The following KLRF2 variants were observed in gnomAD, a reference collection of about 807,000 sequenced individuals.
KLRF2 encodes the protein killer cell lectin-like receptor subfamily F member 2.
In KLRF2, 28 loss-of-function variants were observed where a neutral mutation model predicts 25.3. The ratio of observed to expected loss-of-function variants is 1.11; its 90% CI spans 0.82 to 1.52. The LOEUF (loss-of-function observed/expected upper bound fraction) is 1.52, where lower values mean the gene tolerates loss of function less well. Among genes scored for constraint, KLRF2 ranks in the 40% most tolerant of loss-of-function variants. The pLI is 0.00. For synonymous variants in KLRF2, 73 were observed against 85.0 expected (o/e 0.86, Z 0.78); for missense variants, 265 against 245.8 (o/e 1.08, Z -0.52).
chr12:9,886,824 C>T (rs1014518764), intron 2 of KLRF2, among the ~76,000 whole-genome samples: 1 of 148,610 alleles, frequency 6.7e-6, no homozygotes, highest in Non-Finnish European at 1.5e-5. Flanking sequence ...ATAGATAGAG[C>T]CAGGTAGAGC....
At chr12:9,890,917 T>C (rs1307699455) in intron 3 of KLRF2, among the ~76,000 whole-genome samples, 1 of 152,212 alleles carries the variant, frequency 6.6e-6, no homozygotes, top group Non-Finnish European at 1.5e-5. Flanking sequence ...TAATATCCTC[T>C]AATAGTCAGC....
chr12:9,889,732 G>A (rs1199833220), intron 3 of KLRF2, among the ~76,000 whole-genome samples: 2 of 151,686 alleles, frequency 1.3e-5, no homozygotes, highest in Non-Finnish European at 2.9e-5. Context: ...TTGTGGCTAT[G>A]GAGAACTCCA....
chr12:9,886,917 G>A (rs1017903294), intron 2 of KLRF2, among the ~76,000 whole-genome samples: 1 of 152,118 alleles, frequency 6.6e-6, no homozygotes, highest in African/African-American at 2.4e-5. Context: ...GGAGTAGTGT[G>A]TAGGTCTACT....
chr12:9,883,167 G>T (rs1309511049), intron 1 of KLRF2, among the ~76,000 whole-genome samples: 1 of 152,130 alleles, frequency 6.6e-6, no homozygotes, highest in Non-Finnish European at 1.5e-5. Context: ...ATTCTTACCA[G>T]TTGTTCAGTT....
At chr12:9,885,405 AGTG>A (rs1862583695) in intron 2 of KLRF2, among the ~76,000 whole-genome samples, 1 of 151,796 alleles carries the variant, frequency 6.6e-6, no homozygotes, top group African/African-American at 2.4e-5. Flanking sequence ...TTCTTCCTGA[AGTG>A]GTACTTATAT....
intron 3 of KLRF2, among the ~76,000 whole-genome samples, 190 bp from the exon 4 acceptor site, chr12:9,892,830 C>T (rs1862696600): frequency 6.6e-6 from 1 of 151,310 alleles, no homozygotes; most frequent in South Asian, 2.1e-4. Context: ...GTGATCCACC[C>T]ACCTCAGCCT....
intron 2 of KLRF2, among the ~76,000 whole-genome samples, chr12:9,885,754 TC>T (rs1360238439): frequency 6.6e-6 from 1 of 152,028 alleles, no homozygotes; most frequent in African/African-American, 2.4e-5. Flanking sequence ...TCTCTAAATA[TC>T]AATCATATAC....
intron 2 of KLRF2, among the ~76,000 whole-genome samples, chr12:9,887,235 T>C (rs1241569428): frequency 6.6e-6 from 1 of 151,622 alleles, no homozygotes. Flanking sequence ...CCCACTAAGT[T>C]CGGAACAGAA....
At chr12:9,883,295 T>C (rs573762021) in intron 1 of KLRF2, among the ~76,000 whole-genome samples, 17 of 152,242 alleles carry the variant, frequency 1.1e-4, no homozygotes, top group Admixed American at 1.1e-3. Context: ...ATAATACAAT[T>C]AGTGTTCTTG....
intron 2 of KLRF2, among the ~76,000 whole-genome samples, chr12:9,888,054 CAAAA>C (rs59382110): frequency 1.8e-4 from 12 of 65,484 alleles, no homozygotes; most frequent in Middle Eastern, 0.011. Context: ...GACCCTGTGT[CAAAA>C]AAAAAAAAAA....
intron 1 of KLRF2, among the ~76,000 whole-genome samples, chr12:9,883,100 G>A (rs1868112030): frequency 6.6e-6 from 1 of 152,204 alleles, no homozygotes; most frequent in Non-Finnish European, 1.5e-5. Flanking sequence ...CTGTAGGCAT[G>A]TTTGTGCTTG....
intron 3 of KLRF2, among the ~76,000 whole-genome samples, chr12:9,889,721 G>T (rs950187841): frequency 7.3e-5 from 11 of 151,426 alleles, no homozygotes; most frequent in Non-Finnish European, 1.6e-4. Flanking sequence ...AATGCCATTG[G>T]TTGTGGCTAT....
intron 1 of KLRF2, among the ~76,000 whole-genome samples, chr12:9,883,305 G>C (rs1401723697): frequency 6.6e-6 from 1 of 152,144 alleles, no homozygotes; most frequent in East Asian, 1.9e-4. Context: ...TAGTGTTCTT[G>C]CAATAGTAGC....
chr12:9,889,115 G>A (rs184273610), intron 3 of KLRF2, among the ~76,000 whole-genome samples: 28 of 152,352 alleles, frequency 1.8e-4, no homozygotes, highest in East Asian at 3.9e-4. Context: ...GCTGTAGTGC[G>A]AAGAGTGTGG....
At chr12:9,889,730 A>G (rs1235947143) in intron 3 of KLRF2, among the ~76,000 whole-genome samples, 1 of 151,906 alleles carries the variant, frequency 6.6e-6, no homozygotes, top group Admixed American at 6.6e-5. Flanking sequence ...GGTTGTGGCT[A>G]TGGAGAACTC....
At chr12:9,882,108 G>GA (rs551895781) in intron 1 of KLRF2, among the ~76,000 whole-genome samples, 45 of 144,474 alleles carry the variant, frequency 3.1e-4, no homozygotes, top group African/African-American at 6.4e-4. Context: ...CGAGAAGAGA[G>GA]AAAAAAAAAC....
chr12:9,884,641 T>C (rs987001935), intron 1 of KLRF2, among the ~76,000 whole-genome samples: 1 of 149,094 alleles, frequency 6.7e-6, no homozygotes, highest in South Asian at 2.1e-4. Context: ...ATTTATATCA[T>C]ATATAATATG....
At chr12:9,884,816 A>T in intron 1 of KLRF2, 118 bp from the exon 2 acceptor site, 1 of 385,994 alleles carries the variant, frequency 2.6e-6, no homozygotes, top group Non-Finnish European at 4.6e-6. Flanking sequence ...ATTTTCATTT[A>T]ATCATAAATT....
At chr12:9,888,544 A>G (rs1862633935) in intron 2 of KLRF2, among the ~76,000 whole-genome samples, 189 bp from the exon 3 acceptor site, 1 of 152,114 alleles carries the variant, frequency 6.6e-6, no homozygotes, top group African/African-American at 2.4e-5. Context: ...TTTGCACTTA[A>G]AGGAGTAAAA....
Sources: allele counts gnomAD v4.1 joint callset (sites outside exome capture counted in the v4.1 genomes callset), GRCh38; gene constraint gnomAD v4.1.1; transcripts MANE v1.5; gene names NCBI Gene and HGNC (gene_info 2026-07-23, HGNC 2026-07-21).